The following TBC1D5 variants were observed in gnomAD, a reference collection of about 807,000 sequenced individuals.
TBC1D5 encodes the protein TBC1 domain family member 5.
TBC1D5 carries 75 observed loss-of-function variants against 100.3 expected under a neutral mutation model. That is an observed-to-expected ratio of 0.75 (90% CI 0.62 to 0.91). The LOEUF (loss-of-function observed/expected upper bound fraction) is 0.91. Among genes scored for constraint, TBC1D5 ranks in the 40% least tolerant of loss-of-function variants. The probability of loss-of-function intolerance (pLI) is 0.00; values close to 1 mark genes in which losing one functional copy is unlikely to be tolerated. For missense variants in TBC1D5, 910 were observed against 942.4 expected (o/e 0.97, Z 0.45); for synonymous variants, 323 against 325.6 (o/e 0.99, Z 0.09).
At chr3:17,290,325 G>T (rs578104010) in intron 15 of TBC1D5, among the ~76,000 whole-genome samples, 14 of 152,280 alleles carry the variant, frequency 9.2e-5, no homozygotes, top group Admixed American at 3.3e-4. Context: ...GGGCATTTAG[G>T]TTCCACTAAT....
rs2060624 is a variant in TBC1D5, at chr3:17,297,227, C to A, written c.1139-5226G>T. Among the ~76,000 whole-genome samples the A allele has an allele frequency of 3.3e-5, 5 of 152,140 alleles. No individual in the cohort carries two copies. In the East Asian group the frequency reaches 9.7e-4, roughly 29 times the overall value. On this transcript the variant is annotated intron_variant, in intron 14 of 21. Coordinates refer to ENST00000253692, the Ensembl canonical transcript of TBC1D5. ...TAAGTGCACAGGCTTCTGTTTTCTCCACCTTCTCTAACTCCTTATCGACTG... is the reference window on the plus strand; with the variant it reads ...TAAGTGCACAGGCTTCTGTTTTCTCAACCTTCTCTAACTCCTTATCGACTG...
chr3:17,556,018 T>C (rs1423682555), intron 2 of TBC1D5, among the ~76,000 whole-genome samples: 1 of 152,130 alleles, frequency 6.6e-6, no homozygotes, highest in Non-Finnish European at 1.5e-5. Context: ...ATTGCTGATA[T>C]TTAATAGTTT....
At chr3:17,457,694 T>C (rs78577741) in intron 3 of TBC1D5, among the ~76,000 whole-genome samples, 13,854 of 152,140 alleles carry the variant, frequency 0.091, 1,424 homozygotes, top group African/African-American at 0.26. Context: ...TTATCTATTT[T>C]GAGTGTTTTT....
At chr3:17,483,477 T>C (rs1030479306) in intron 3 of TBC1D5, among the ~76,000 whole-genome samples, 1 of 152,196 alleles carries the variant, frequency 6.6e-6, no homozygotes, top group Non-Finnish European at 1.5e-5. Context: ...ACTCAAAACT[T>C]TGCATTTAAG....
rs950302044 is a variant in TBC1D5, at chr3:17,580,120, C to T, written c.-36+43729G>A. 3.3e-5 allele frequency among the ~76,000 whole-genome samples: 5 copies of T among 152,134 alleles called. No homozygotes were observed. In the South Asian group the frequency reaches 8.3e-4, roughly 25 times the overall value. On this transcript the variant is annotated intron_variant, in intron 2 of 21. Transcript: ENST00000253692. ...TAAGTGAATTTGAACCATAAACTCC[C>T]CAACCTGGTATAAGAAAGGATTTTG...
intron 1 of TBC1D5, among the ~76,000 whole-genome samples, chr3:17,671,288 A>C (rs2067906538): frequency 6.6e-6 from 1 of 152,214 alleles, no homozygotes; most frequent in South Asian, 2.1e-4. Flanking sequence ...TCGTGGAATA[A>C]ATTAAGTGAA....
At chr3:17,539,205 C>T (rs763171494) in intron 2 of TBC1D5, among the ~76,000 whole-genome samples, 6 of 152,000 alleles carry the variant, frequency 3.9e-5, no homozygotes, top group Middle Eastern at 3.2e-3. Flanking sequence ...AAAATAAACA[C>T]CTGAAATTCC....
intron 1 of TBC1D5, among the ~76,000 whole-genome samples, chr3:17,668,398 A>AT (rs2067526646): frequency 2.0e-5 from 3 of 152,158 alleles, no homozygotes; most frequent in Admixed American, 1.3e-4. Flanking sequence ...GCTATAGCTT[A>AT]TATTTGAATT....
At chr3:17,522,118 A>G (rs1418016915) in intron 2 of TBC1D5, among the ~76,000 whole-genome samples, 1 of 152,128 alleles carries the variant, frequency 6.6e-6, no homozygotes, top group African/African-American at 2.4e-5. Flanking sequence ...GAGATAGTAA[A>G]AAATGATAGT....
At chr3:17,352,692 A>AAACAAAAC (rs2090759516) in intron 13 of TBC1D5, among the ~76,000 whole-genome samples, 1 of 149,356 alleles carries the variant, frequency 6.7e-6, no homozygotes, top group African/African-American at 2.5e-5. Flanking sequence ...GCAAAAAAAA[A>AAACAAAAC]AAAAAAACAA....
At chr3:17,607,104 CATAGA>C (rs1035995686) in intron 2 of TBC1D5, among the ~76,000 whole-genome samples, 2 of 152,042 alleles carry the variant, frequency 1.3e-5, no homozygotes, top group African/African-American at 4.8e-5. Context: ...GATAACATCT[CATAGA>C]ATAAAGATGA....
chr3:17,482,705 A>AG (rs1174517885), intron 3 of TBC1D5, among the ~76,000 whole-genome samples: 1 of 152,254 alleles, frequency 6.6e-6, no homozygotes, highest in East Asian at 1.9e-4. Context: ...GAGCAAATAT[A>AG]GAGAAAGAAT....
chr3:17,480,021 G>A (rs1430032937), intron 3 of TBC1D5, among the ~76,000 whole-genome samples: 2 of 152,234 alleles, frequency 1.3e-5, no homozygotes, highest in Non-Finnish European at 2.9e-5. Context: ...CTGATCCTGT[G>A]GCCTGGCCTC....
chr3:17,376,590 A>T, exon 10 of TBC1D5: 7 of 1,612,944 alleles, frequency 4.3e-6, no homozygotes, highest in Non-Finnish European at 5.1e-6. Flanking sequence ...CAAAGACTAT[A>T]GGTGCTAACA....
intron 2 of TBC1D5, among the ~76,000 whole-genome samples, chr3:17,564,475 T>C (rs1232342652): frequency 6.6e-6 from 1 of 152,278 alleles, no homozygotes; most frequent in African/African-American, 2.4e-5. Flanking sequence ...CAAAAAGACA[T>C]GTAAACAATT....
chr3:17,698,382 A>G (rs1180098641), intron 1 of TBC1D5, among the ~76,000 whole-genome samples: 2 of 151,770 alleles, frequency 1.3e-5, no homozygotes, highest in Non-Finnish European at 2.9e-5. Context: ...CACCTTATAC[A>G]AAAATCAATT....
At chr3:17,727,306 G>C (rs527805820) in intron 1 of TBC1D5, among the ~76,000 whole-genome samples, 20 of 152,266 alleles carry the variant, frequency 1.3e-4, no homozygotes, top group Middle Eastern at 3.4e-3. Context: ...GCTTGATCCC[G>C]GGAGGCAGAG....
intron 8 of TBC1D5, among the ~76,000 whole-genome samples, chr3:17,399,707 C>G (rs1277492876): frequency 6.6e-6 from 1 of 152,078 alleles, no homozygotes; most frequent in Non-Finnish European, 1.5e-5. Context: ...TTACTTTTTA[C>G]TGTGGTCTAC....
At chr3:17,535,358 C>G (rs2096271637) in intron 2 of TBC1D5, among the ~76,000 whole-genome samples, 1 of 152,160 alleles carries the variant, frequency 6.6e-6, no homozygotes, top group Non-Finnish European at 1.5e-5. Flanking sequence ...ACATAATGTG[C>G]TTTTATGGCC....
Sources: gnomAD v4.1 joint callset for allele counts (sites outside exome capture counted in the v4.1 genomes callset) on GRCh38, gnomAD v4.1.1 for gene constraint, MANE v1.5 for transcripts, NCBI Gene and HGNC (gene_info 2026-07-23, HGNC 2026-07-21) for gene names.